Variants in PIH1D2 observed in about 807,000 individuals in gnomAD.
PIH1D2 encodes PIH1 domain-containing protein 2.
In PIH1D2, 25 loss-of-function variants were observed where a neutral mutation model predicts 31.2. The observed-to-expected ratio is 0.80, with a 90% CI of 0.58 to 1.12. The LOEUF is 1.12. PIH1D2 is among the 50% of genes most tolerant of loss of function. The probability of loss-of-function intolerance (pLI) is 0.00; values close to 1 mark genes in which losing one functional copy is unlikely to be tolerated. For synonymous variants in PIH1D2, 116 were observed against 119.9 expected (o/e 0.97, Z 0.21); for missense variants, 310 against 356.6 (o/e 0.87, Z 1.05).
chr11:112,069,630 A>T (rs1235239285), intron 5 of PIH1D2: 1 of 152,226 alleles, frequency 6.6e-6, no homozygotes, highest in Admixed American at 6.5e-5. Context: ...AAAAGAAAAC[A>T]TCTTCCTGAA....
chr11:112,071,729 G>A lies in PIH1D2; in HGVS notation c.207C>T (p.Asn69=). The A allele has an allele frequency of 2.5e-6, 4 of 1,613,980 alleles. No homozygotes were observed. The highest frequency in any genetic ancestry group is 3.4e-6 in the Non-Finnish European group (4 of 1,179,866). ...LKPKEKILFI[N]LCQWTRIPAP... ...CTGGGATCCTTGTCCACTGACACAG[G>A]TTGATAAAAAGTATTTTTTCTTTTG... The change falls in exon 3 of 6, where the codon AAC becomes AAT. Residue 69 remains asparagine (N), a synonymous_variant. Coordinates refer to ENST00000280350, the MANE Select transcript of PIH1D2 (RefSeq NM_138789.4).
rs1186212167 is a variant in PIH1D2, at chr11:112,068,978, TTTTG to T, written c.814-977_814-974del. Among the ~76,000 whole-genome samples the T allele has an allele frequency of 3.2e-3, 443 of 138,656 alleles. 7 individuals carry two copies. The highest frequency in any genetic ancestry group is 0.013 in the African/African-American group (406 of 30,266). The allele number at this position is 138,656 out of a possible 152,430, so 91.0% of individuals were successfully genotyped here. ...CTCTTTGTTAAAACCTCTGAATTTT[TTTTG>T]TTTTTTTTTTTTTTTGTTTTTTTTT... On this transcript the variant is annotated intron_variant, in intron 5 of 5. Transcript: ENST00000280350.
the PIH1D2 span, among the ~76,000 whole-genome samples, chr11:112,054,320 A>AAAT: frequency 3.3e-5 from 5 of 151,824 alleles, no homozygotes; most frequent in African/African-American, 7.3e-5. Context: ...ACTGCATTTC[A>AAAT]AATAATAATA....
At chr11:112,064,199 A>G (rs1555183609), downstream of PIH1D2, 1 of 1,571,778 alleles carries the variant, frequency 6.4e-7, no homozygotes, top group South Asian at 1.2e-5. Flanking sequence ...ATCTTTCGCT[A>G]ATGCTTGTGG....
chr11:112,054,700 T>TA, the PIH1D2 span, among the ~76,000 whole-genome samples: 34 of 152,376 alleles, frequency 2.2e-4, no homozygotes, highest in African/African-American at 8.2e-4. Flanking sequence ...CTGCCATTAT[T>TA]AATGACCACA....
At chr11:112,062,386 A>G, downstream of PIH1D2, 2 of 1,611,982 alleles carry the variant, frequency 1.2e-6, no homozygotes, top group Non-Finnish European at 1.7e-6. Context: ...AATATCTAAA[A>G]TGTCTTTATC....
chr11:112,054,394 T>C, the PIH1D2 span, among the ~76,000 whole-genome samples: 2 of 152,158 alleles, frequency 1.3e-5, no homozygotes, highest in Admixed American at 1.3e-4. Context: ...GTGTCCAGTG[T>C]TAATATTTGA....
chr11:112,059,584 A>G (rs373335149), downstream of PIH1D2, among the ~76,000 whole-genome samples: 1 of 152,006 alleles, frequency 6.6e-6, no homozygotes, highest in South Asian at 2.1e-4. Context: ...GTAGAGACAG[A>G]GTTTCGCCAT....
At chr11:112,072,918 C>A in intron 2 of PIH1D2, 80 bp downstream of exon 2, 5 of 1,285,784 alleles carry the variant, frequency 3.9e-6, no homozygotes, top group South Asian at 3.7e-5. Flanking sequence ...ATTAGCAATA[C>A]CTAAGTGTAA....
chr11:112,073,046 C>T lies in PIH1D2; in HGVS notation c.129G>A (p.Gln43=). ...FIQQQLKEGK[Q]LCAAPEPQLC... ...GCTGTGGTTCTGGGGCAGCACAGAG[C>T]TGTTTCCCTTCTTTCAGCTGCTGCT... The change falls in exon 2 of 6, where the codon CAG becomes CAA. Residue 43 remains glutamine, a synonymous_variant. Transcript: ENST00000280350. The T allele has an allele frequency of 6.2e-7, 1 of 1,614,176 alleles. No homozygotes were observed. The highest frequency in any genetic ancestry group is 8.5e-7 in the Non-Finnish European group (1 of 1,180,008).
At chr11:112,056,905 A>G in the PIH1D2 span, among the ~76,000 whole-genome samples, 10 of 152,034 alleles carry the variant, frequency 6.6e-5, no homozygotes, top group Non-Finnish European at 1.0e-4. Context: ...ACTTTGATTT[A>G]TTGTGCTTTT....
downstream of PIH1D2, among the ~76,000 whole-genome samples, chr11:112,066,364 G>C (rs587622910): frequency 1.3e-5 from 2 of 152,224 alleles, no homozygotes; most frequent in African/African-American, 4.8e-5. Flanking sequence ...TTGCAGGCCG[G>C]GCGTGGTGGC....
At chr11:112,052,698 A>G in the PIH1D2 span, among the ~76,000 whole-genome samples, 1 of 152,064 alleles carries the variant, frequency 6.6e-6, no homozygotes, top group Non-Finnish European at 1.5e-5. Flanking sequence ...CTGGGGAGAA[A>G]AAGGAAAGGA....
At chr11:112,068,999 T>TTTTTTTTTTTTTTTGG (rs1865027453) in intron 5 of PIH1D2, among the ~76,000 whole-genome samples, 27 of 124,056 alleles carry the variant, frequency 2.2e-4, no homozygotes, top group Non-Finnish European at 3.3e-4. Context: ...TTTTTTTTTG[T>TTTTTTTTTTTTTTTGG]TTTTTTTTTT....
chr11:112,065,616 C>T (rs1407202605), downstream of PIH1D2, among the ~76,000 whole-genome samples: 1 of 152,016 alleles, frequency 6.6e-6, no homozygotes, highest in Non-Finnish European at 1.5e-5. Context: ...TAAATCCAGG[C>T]CAGGCCTTCA....
chr11:112,063,049 C>T (rs1463222150), downstream of PIH1D2: 2 of 156,664 alleles, frequency 1.3e-5, no homozygotes, highest in Non-Finnish European at 1.4e-5. Context: ...CTTGGTTTAT[C>T]ATCGATGGGA....
downstream of PIH1D2, chr11:112,064,518 A>T: frequency 3.7e-6 from 1 of 271,972 alleles, no homozygotes. Context: ...TTGGCAAAAT[A>T]TGGACTACAT....
chr11:112,062,560 C>A, downstream of PIH1D2: 1 of 1,610,640 alleles, frequency 6.2e-7, no homozygotes, highest in Non-Finnish European at 8.5e-7. Context: ...TCTAAACTCT[C>A]CCAGGTCACA....
In PIH1D2 at chr11:112,071,055, C is replaced by G; in HGVS notation, c.530G>C (p.Arg177Thr). The change falls in exon 4 of 6, where the codon AGA becomes ACA. Residue 177 changes from arginine to threonine, a missense_variant. Coordinates refer to ENST00000280350, the MANE Select transcript of PIH1D2 (RefSeq NM_138789.4). ...MGIQTDSIDL[R>T]EKMRRELTLG... The stretch of plus-strand genomic sequence containing the variant: ...CAACTTACCCCTTCTCATTTTTTCT[C>G]TTAAATCTATGGAATCAGTTTGGAT... 6.2e-7 allele frequency: 1 copy of G among 1,610,936 alleles called. No individual in the cohort carries two copies.
Sources: gnomAD v4.1 joint callset for allele counts (sites outside exome capture counted in the v4.1 genomes callset) on GRCh38, gnomAD v4.1.1 for gene constraint, MANE v1.5 for transcripts, NCBI Gene and HGNC (gene_info 2026-07-23, HGNC 2026-07-21) for gene names.